The following DNER variants were observed in gnomAD, a reference collection of about 807,000 sequenced individuals.
The protein encoded by DNER is delta and Notch-like epidermal growth factor-related receptor.
In DNER, 33 loss-of-function variants were observed where a neutral mutation model predicts 78.2. The ratio of observed to expected loss-of-function variants is 0.42; its 90% confidence interval spans 0.32 to 0.56. The LOEUF (loss-of-function observed/expected upper bound fraction) is 0.56. DNER is among the 20% of genes least tolerant of loss of function. The probability of loss-of-function intolerance (pLI) is 0.11; values close to 1 mark genes in which losing one functional copy is unlikely to be tolerated. For missense variants in DNER, 918 were observed against 975.3 expected, an observed-to-expected ratio of 0.94 and a Z score of 0.78; for synonymous variants, 417 against 384.8, an observed-to-expected ratio of 1.08 and a Z score of -0.98.
chr2:229,674,871 T>C (rs1291313088), intron 1 of DNER, among the ~76,000 whole-genome samples: 1 of 152,162 alleles, frequency 6.6e-6, no homozygotes, highest in Admixed American at 6.5e-5. Flanking sequence ...GTCATACAGA[T>C]TGCAAATGGT....
chr2:229,512,310 G>A lies in DNER; in HGVS notation c.1147+473C>T, dbSNP rs370048040. Among the ~76,000 whole-genome samples the A allele has an allele frequency of 1.4e-3, 215 of 148,902 alleles. 2 individuals are homozygous for A. In the South Asian group the frequency reaches 0.03, roughly 21 times the overall value. ...AGGAAGGAGAATCACTGGAGCCCAG[G>A]AGGCAGAGGTTGCAGTGAGCCGAGA... On this transcript the variant is annotated intron_variant, in intron 6 of 12. Transcript: ENST00000341772.
chr2:229,423,099 T>C (rs1693801422), intron 8 of DNER, among the ~76,000 whole-genome samples: 1 of 152,042 alleles, frequency 6.6e-6, no homozygotes, highest in Non-Finnish European at 1.5e-5. Flanking sequence ...GAGTGATCCT[T>C]ATGCAATGAT....
At chr2:229,370,494 A>C (rs1692457322) in intron 11 of DNER, among the ~76,000 whole-genome samples, 1 of 152,182 alleles carries the variant, frequency 6.6e-6, no homozygotes, top group Admixed American at 6.5e-5. Flanking sequence ...AACATAAATC[A>C]CCAGAAACAG....
chr2:229,532,254 G>C (rs190515953), intron 5 of DNER, among the ~76,000 whole-genome samples: 12 of 152,152 alleles, frequency 7.9e-5, no homozygotes, highest in African/African-American at 2.9e-4. Context: ...CTTCTCTGCA[G>C]CTTTCCTTAC....
chr2:229,540,544 T>C (rs577228108), intron 5 of DNER, among the ~76,000 whole-genome samples: 15 of 152,274 alleles, frequency 9.9e-5, no homozygotes, highest in Admixed American at 8.5e-4. Flanking sequence ...ACATGGGCTA[T>C]AGAACAAGGA....
intron 11 of DNER, among the ~76,000 whole-genome samples, chr2:229,384,436 C>A (rs1692816562): frequency 6.6e-6 from 1 of 151,928 alleles, no homozygotes; most frequent in African/African-American, 2.4e-5. Flanking sequence ...GAGAGAGAGA[C>A]AAGAAAAACC....
intron 12 of DNER, among the ~76,000 whole-genome samples, chr2:229,360,112 T>C (rs1692179043): frequency 6.6e-6 from 1 of 152,140 alleles, no homozygotes; most frequent in Non-Finnish European, 1.5e-5. Context: ...GTCAACAGAG[T>C]AAAAGTGTCA....
intron 6 of DNER, among the ~76,000 whole-genome samples, chr2:229,491,970 C>CACACACAG (rs1553535346): frequency 1.4e-5 from 2 of 144,016 alleles, no homozygotes; most frequent in South Asian, 2.3e-4. Flanking sequence ...CACACACACA[C>CACACACAG]ACACACAGAC....
chr2:229,646,923 C>T lies in DNER; in HGVS notation c.277-55035G>A, dbSNP rs748518479. ...GTGGCTCACACCTGTAATCCCAGCACTTTGGGAGGCCAAGGTGGGTGGATC... is the reference window on the plus strand; with the variant it reads ...GTGGCTCACACCTGTAATCCCAGCATTTTGGGAGGCCAAGGTGGGTGGATC... On this transcript the variant is annotated intron_variant, in intron 1 of 12. Transcript: ENST00000341772. 7.2e-5 allele frequency among the ~76,000 whole-genome samples: 11 copies of T among 152,216 alleles called. No individual in the cohort carries two copies. The South Asian group carries it at 1.0e-3, about 14-fold the overall frequency.
intron 4 of DNER, among the ~76,000 whole-genome samples, chr2:229,574,862 G>A (rs1697269778): frequency 5.3e-5 from 8 of 152,030 alleles, no homozygotes; most frequent in Admixed American, 5.2e-4. Flanking sequence ...TATAAAAAAA[G>A]GCAATTTAAA....
intron 1 of DNER, among the ~76,000 whole-genome samples, chr2:229,703,232 T>C (rs1699777894): frequency 6.6e-6 from 1 of 152,094 alleles, no homozygotes; most frequent in African/African-American, 2.4e-5. Context: ...AGTCCAGAAA[T>C]AGACCCACAC....
intron 9 of DNER, among the ~76,000 whole-genome samples, chr2:229,409,220 A>C (rs1165212117): frequency 6.6e-6 from 1 of 152,216 alleles, no homozygotes. Flanking sequence ...AAAGCAGAAG[A>C]GTCTTTTCTG....
At chr2:229,639,276 AT>A (rs1698574911) in intron 1 of DNER, among the ~76,000 whole-genome samples, 1 of 152,166 alleles carries the variant, frequency 6.6e-6, no homozygotes, top group Non-Finnish European at 1.5e-5. Context: ...TGTTTTTGAG[AT>A]GGAGTCTCAC....
At chr2:229,431,658 A>G (rs555627682) in intron 8 of DNER, among the ~76,000 whole-genome samples, 7 of 121,584 alleles carry the variant, frequency 5.8e-5, no homozygotes, top group Non-Finnish European at 1.2e-4. Context: ...GGGGGGAGGG[A>G]TAGCATTAGG....
At chr2:229,647,022 C>T (rs1461328333) in intron 1 of DNER, among the ~76,000 whole-genome samples, 2 of 152,192 alleles carry the variant, frequency 1.3e-5, no homozygotes, top group African/African-American at 4.8e-5. Context: ...CAAAACTTAG[C>T]TGGGCATGGT....
Position 229,401,274 on chromosome 2 carries a change from T to C in DNER, c.1723+5958A>G, listed in dbSNP as rs558856362. 3.3e-5 allele frequency among the ~76,000 whole-genome samples: 5 copies of C among 152,168 alleles called. No homozygotes were observed. The South Asian group carries it at 1.0e-3, about 32-fold the overall frequency. ...ACTCTGGAAACATTTTGGCTCTTTT[T>C]ATAAAACTAAGCATGCAACTACCAT... On this transcript the variant is annotated intron_variant, in intron 10 of 12. Transcript: ENST00000341772.
intron 6 of DNER, among the ~76,000 whole-genome samples, chr2:229,499,086 A>G (rs1167870482): frequency 2.0e-5 from 3 of 152,214 alleles, no homozygotes; most frequent in African/African-American, 7.2e-5. Flanking sequence ...AACACAACAG[A>G]GAGCTTAAAA....
At chr2:229,556,760 A>C (rs1696861798) in intron 4 of DNER, among the ~76,000 whole-genome samples, 1 of 152,222 alleles carries the variant, frequency 6.6e-6, no homozygotes, top group Non-Finnish European at 1.5e-5. Flanking sequence ...ATCTGTTAAT[A>C]GATGATTACT....
At chr2:229,669,704 GCT>G (rs1335036451) in intron 1 of DNER, among the ~76,000 whole-genome samples, 4 of 151,966 alleles carry the variant, frequency 2.6e-5, no homozygotes, top group Non-Finnish European at 5.9e-5. Context: ...TCATGATTTG[GCT>G]CTCTGTCTAT....
Sources: allele counts gnomAD v4.1 joint callset (sites outside exome capture counted in the v4.1 genomes callset), GRCh38; gene constraint gnomAD v4.1.1; transcripts MANE v1.5; gene names NCBI Gene and HGNC (gene_info 2026-07-23, HGNC 2026-07-21).